Variants in COQ9 observed in about 807,000 individuals in gnomAD.
COQ9 encodes the protein ubiquinone biosynthesis protein COQ9, mitochondrial.
In COQ9, 35 loss-of-function variants were observed where a neutral mutation model predicts 42.4. The ratio of observed to expected loss-of-function variants is 0.83; its 90% CI spans 0.63 to 1.10. The LOEUF (loss-of-function observed/expected upper bound fraction) is 1.10. Among genes scored for constraint, COQ9 ranks in the 50% least tolerant of loss-of-function variants. The pLI is 0.00. For missense variants in COQ9, 406 were observed against 414.6 expected (o/e 0.98, Z 0.18); for synonymous variants, 155 against 155.1 (o/e 1.00, Z 0.00).
At chr16:57,458,172 G>A in intron 5 of COQ9, 74 bp from the exon 6 acceptor site, 5 of 1,094,038 alleles carry the variant, frequency 4.6e-6, no homozygotes, top group South Asian at 4.0e-5. Flanking sequence ...TACACCTCTT[G>A]GAGAGGTAGA....
chr16:57,456,995 T>C lies in COQ9; in HGVS notation c.586T>C (p.Tyr196His), dbSNP rs996267829. Residue 196 changes from tyrosine (Y) to histidine (H), a missense_variant, in exon 5 of 9, where the codon TAC (tyrosine) becomes CAC (histidine). Tyr to His is a moderately conservative substitution (Grantham distance 83). Coordinates refer to ENST00000262507, the MANE Select transcript of COQ9 (RefSeq NM_020312.4). ...AACCAGACTGAGAATGCTGATCCCATACATTGAGCACTGGCCCCGGGTACC... is the reference window on the plus strand; with the variant it reads ...AACCAGACTGAGAATGCTGATCCCACACATTGAGCACTGGCCCCGGGTACC... ...VETRLRMLIP[Y>H]IEHWPRALSI... 1.3e-5 allele frequency: 21 copies of C among 1,613,834 alleles called. No individual in the cohort carries two copies. The highest frequency in any genetic ancestry group is 1.8e-5 in the Non-Finnish European group (21 of 1,179,840).
At chr16:57,452,733 A>T in intron 2 of COQ9, 68 bp from the exon 3 acceptor site, 1 of 1,557,692 alleles carries the variant, frequency 6.4e-7, no homozygotes, top group Non-Finnish European at 8.8e-7. Flanking sequence ...CAGAGCCCCT[A>T]GTTTCTGGTC....
chr16:57,455,296 G>A (rs1201167548), intron 3 of COQ9, among the ~76,000 whole-genome samples: 5 of 151,230 alleles, frequency 3.3e-5, no homozygotes, highest in East Asian at 1.9e-4. Context: ...ACCAGTGGAG[G>A]CATCAAGCAT....
At chr16:57,459,278 T>C (rs2030474231) in intron 6 of COQ9, among the ~76,000 whole-genome samples, 1 of 152,258 alleles carries the variant, frequency 6.6e-6, no homozygotes, top group African/African-American at 2.4e-5. Context: ...ATGGATTGGA[T>C]GTAGCCAAAT....
intron 8 of COQ9, among the ~76,000 whole-genome samples, chr16:57,460,317 C>G (rs2030506012): frequency 6.6e-6 from 1 of 151,984 alleles, no homozygotes; most frequent in Non-Finnish European, 1.5e-5. Context: ...CTCCTGGGAC[C>G]CTGGTATATC....
chr16:57,451,617 A>C (rs1216771662), intron 2 of COQ9, among the ~76,000 whole-genome samples: 1 of 152,236 alleles, frequency 6.6e-6, no homozygotes, highest in Non-Finnish European at 1.5e-5. Context: ...ATTTTTGTGA[A>C]TATCCTTTTA....
chr16:57,456,670 C>T (rs370075236), intron 4 of COQ9, 24 bp downstream of exon 4: 1 of 1,609,682 alleles, frequency 6.2e-7, no homozygotes, highest in Non-Finnish European at 8.5e-7. Flanking sequence ...CATTACTACT[C>T]AGGGTGGCAG....
chr16:57,450,831 A>T (rs541918698), intron 1 of COQ9: 3 of 637,032 alleles, frequency 4.7e-6, no homozygotes, highest in South Asian at 3.6e-5. Context: ...TGCTAGGTAG[A>T]TCATTTTTCC....
intron 8 of COQ9, 32 bp downstream of exon 8, chr16:57,460,136 C>T (rs1286967989): frequency 6.2e-7 from 1 of 1,610,666 alleles, no homozygotes; most frequent in South Asian, 1.1e-5. Context: ...CCTGCCCCTC[C>T]TCTCTCCCAT....
intron 3 of COQ9, among the ~76,000 whole-genome samples, chr16:57,455,898 C>T (rs532449046): frequency 4.6e-5 from 7 of 151,910 alleles, no homozygotes; most frequent in Admixed American, 6.5e-5. Flanking sequence ...GGCAATATGG[C>T]GAGACCCCAT....
In COQ9 at chr16:57,459,991, C is replaced by T. The variant is rs1167745050; in HGVS notation, c.868-60C>T. On this transcript the variant is annotated intron_variant, in intron 7 of 8. Coordinates refer to ENST00000262507, the MANE Select transcript of COQ9 (RefSeq NM_020312.4). ...TCATAGGCCTCCTGATTTGTCCTGC[C>T]TGTCTCAAGTTTAACTTTGTGTTGG... 5 of 1,537,256 alleles carry T rather than the reference C, an allele frequency of 3.3e-6. No homozygotes were observed. The East Asian group carries it at 9.0e-5, about 28-fold the overall frequency.
chr16:57,447,888 A>G (rs1051945884), intron 1 of COQ9: 5 of 289,558 alleles, frequency 1.7e-5, no homozygotes, highest in African/African-American at 1.1e-4. Flanking sequence ...TGGCAGTCGC[A>G]GACCCATTCT....
intron 3 of COQ9, chr16:57,454,026 G>C (rs1391700282): frequency 6.6e-6 from 1 of 152,154 alleles, no homozygotes; most frequent in Non-Finnish European, 1.5e-5. Context: ...AGAAGATGTG[G>C]TAAGTGCTAT....
At chr16:57,448,873 C>T (rs554248163) in intron 1 of COQ9, among the ~76,000 whole-genome samples, 3 of 152,154 alleles carry the variant, frequency 2.0e-5, no homozygotes, top group African/African-American at 7.2e-5. Context: ...AACACAGAAA[C>T]AGTCCAGTTG....
In COQ9 at chr16:57,461,243, A is replaced by T; in HGVS notation, c.*619A>T. 2 of 433,444 alleles carry T rather than the reference A, an allele frequency of 4.6e-6. No individual in the cohort carries two copies. Among genetic ancestry groups the T allele is most frequent in the Non-Finnish European group, 9.4e-6 (2 of 213,668 alleles). The allele number at this position is 433,444 out of a possible 1,614,324, so 26.8% of individuals were successfully genotyped here. ...GATTATTAGTGTATTTTGAGTCTGT[A>T]AAAATAATAAATATGTTTGAAGTAG... On this transcript the variant is annotated 3_prime_UTR_variant, in exon 9 of 9. Transcript: ENST00000262507.
rs560674648 is a variant in COQ9 at position 57,447,657 on chromosome 16, G to A, written c.73+79G>A. 3.5e-5 allele frequency: 40 copies of A among 1,158,476 alleles called. No individual in the cohort carries two copies. The South Asian group carries it at 1.3e-3, about 36-fold the overall frequency. The allele number at this position is 1,158,476 out of a possible 1,614,324, so 71.8% of individuals were successfully genotyped here. A position where few individuals can be genotyped will look rare whatever the true frequency, so the allele number is the denominator to read the frequency against. Reference sequence around the variant, plus strand: ...CCGGCTTCAGCTGGGTTCGACGGTGGGGGGAAGAGGCCGTTGGGGCGGCCC... The same window carrying A: ...CCGGCTTCAGCTGGGTTCGACGGTGAGGGGAAGAGGCCGTTGGGGCGGCCC... On this transcript the variant is annotated intron_variant, in intron 1 of 8. Transcript: ENST00000262507.
rs773595935 is a variant in COQ9, at chr16:57,451,179, T to G, written c.213T>G (p.Pro71=). Residue 71 remains proline, a synonymous_variant, in exon 2 of 9, where the codon CCT becomes CCG. Transcript: ENST00000262507. ...QHSETQGAEK[P]DPESSHSPPR... is the part of the protein sequence containing the mutation. Reference sequence around the variant, plus strand: ...CTGAGACACAGGGGGCAGAAAAACCTGATCCAGAGTCTTCTCATTCACCCC... The same window carrying G: ...CTGAGACACAGGGGGCAGAAAAACCGGATCCAGAGTCTTCTCATTCACCCC... 6.2e-7 allele frequency: 1 copy of G among 1,614,206 alleles called. No homozygotes were observed. The highest frequency in any genetic ancestry group is 1.7e-5 in the Admixed American group (1 of 60,020).
chr16:57,459,883 A>G (rs1409830407), intron 7 of COQ9, among the ~76,000 whole-genome samples, 163 bp downstream of exon 7: 2 of 68,352 alleles, frequency 2.9e-5, no homozygotes, highest in Admixed American at 2.3e-4. Flanking sequence ...TAAGAGCCAC[A>G]CTTTGCTCAT....
rs751096820 is a variant in COQ9, at chr16:57,451,208, G to C, written c.242G>C (p.Arg81Thr). 1 of 1,614,128 alleles carries C rather than the reference G, an allele frequency of 6.2e-7. No homozygotes were observed. The change falls in exon 2 of 9, where the codon AGG (arginine) becomes ACG (threonine). Residue 81 changes from arginine (R) to threonine (T), a missense_variant and splice_region_variant. Transcript: ENST00000262507. The stretch of plus-strand genomic sequence containing the variant: ...CCAGAGTCTTCTCATTCACCCCCCA[G>C]GTAGGCACCAATCCACCTATTTCTG... ...PDPESSHSPP[R>T]YTDQGGEEEE... is the part of the protein sequence containing the mutation.
Sources: gnomAD v4.1 joint callset for allele counts (sites outside exome capture counted in the v4.1 genomes callset) on GRCh38, gnomAD v4.1.1 for gene constraint, MANE v1.5 for transcripts, NCBI Gene and HGNC (gene_info 2026-07-23, HGNC 2026-07-21) for gene names.